The following NARF variants were observed in gnomAD, a reference collection of about 807,000 sequenced individuals.
NARF encodes iron-only hydrogenase-like protein 2.
A neutral mutation model predicts 48.0 loss-of-function variants in NARF; 41 were observed. The ratio of observed to expected loss-of-function variants is 0.85; its 90% CI spans 0.66 to 1.11. The LOEUF (loss-of-function observed/expected upper bound fraction) is 1.11. NARF is among the 50% of genes least tolerant of loss of function. NARF has a pLI of 0.00. For synonymous variants in NARF, 215 were observed against 225.5 expected, an observed-to-expected ratio of 0.95 and a Z score of 0.42; for missense variants, 613 against 590.2, an observed-to-expected ratio of 1.04 and a Z score of -0.40.
At chr17:82,487,399 G>A (rs910469927) in intron 10 of NARF, among the ~76,000 whole-genome samples, 4 of 151,734 alleles carry the variant, frequency 2.6e-5, no homozygotes, top group African/African-American at 9.7e-5. Flanking sequence ...TGGGAGAATC[G>A]CTTGAGCCCA....
rs2044146409 is a variant in NARF at position 82,488,392 on chromosome 17, T to C, written c.*235T>C. The C allele has an allele frequency of 3.7e-6, 2 of 542,574 alleles. No individual in the cohort carries two copies. Among genetic ancestry groups the C allele is most frequent in the Non-Finnish European group, 6.0e-6 (2 of 331,882 alleles). The allele number at this position is 542,574 out of a possible 1,614,324, so 33.6% of individuals were successfully genotyped here. ...GAACTTTTTTTTTCTTTTTTTTTTTTTGAGACGGAGTCTCACTCTGTCACC... is the reference window on the plus strand; with the variant it reads ...GAACTTTTTTTTTCTTTTTTTTTTTCTGAGACGGAGTCTCACTCTGTCACC... On this transcript the variant is annotated 3_prime_UTR_variant, in exon 11 of 11. Coordinates refer to ENST00000309794, the MANE Select transcript of NARF (RefSeq NM_012336.4).
intron 5 of NARF, chr17:82,477,799 C>G (rs1567940317): frequency 6.6e-6 from 1 of 152,296 alleles, no homozygotes; most frequent in Non-Finnish European, 1.5e-5. Context: ...CAGGCGTGAG[C>G]TACTGCGCCC....
intron 2 of NARF, 42 bp downstream of exon 2, chr17:82,460,114 A>G (rs754026392): frequency 1.3e-6 from 2 of 1,538,868 alleles, no homozygotes; most frequent in Admixed American, 1.7e-5. Context: ...AGAGTAAACT[A>G]CTGCTGCTGT....
upstream of NARF, chr17:82,458,498 C>T (rs951398973): frequency 1.4e-5 from 5 of 359,948 alleles, no homozygotes; most frequent in Middle Eastern, 1.4e-3. Context: ...GGACCCGGTC[C>T]CCCCGGCGCC....
intron 5 of NARF, among the ~76,000 whole-genome samples, chr17:82,478,230 A>G (rs1018341840): frequency 3.3e-5 from 5 of 152,254 alleles, no homozygotes; most frequent in Non-Finnish European, 7.3e-5. Flanking sequence ...AAACCACAGC[A>G]GCACTCAACC....
chr17:82,485,457 A>G, intron 9 of NARF, 40 bp from the exon 10 acceptor site: 1 of 1,602,266 alleles, frequency 6.2e-7, no homozygotes, highest in Non-Finnish European at 8.5e-7. Flanking sequence ...TCACAGATAA[A>G]GGACTTGATG....
chr17:82,474,030 CAAAAA>C (rs922181708), intron 5 of NARF, among the ~76,000 whole-genome samples: 4 of 150,242 alleles, frequency 2.7e-5, no homozygotes, highest in Admixed American at 6.6e-5. Context: ...CAAAAAAAAA[CAAAAA>C]AAAGCCAGGG....
At position 82,468,887 on chromosome 17, in the gene NARF, A is replaced by G. The variant is rs771169324; in HGVS notation, c.376A>G (p.Lys126Glu). ...ATCCAGAAGACTCTGTGGTTTCCTC[A>G]AAAGTCTTGGTGAGTCATCTTTTGA... is the stretch of plus-strand genomic sequence containing the variant. ...DASRRLCGFL[K>E]SLGVHYVFDT... The change falls in exon 4 of 11, where the codon AAA becomes GAA. Residue 126 changes from lysine to glutamate, a missense_variant. Coordinates refer to ENST00000309794, the MANE Select transcript of NARF (RefSeq NM_012336.4). 2 of 1,613,470 alleles carry G rather than the reference A, an allele frequency of 1.2e-6. No homozygotes were observed. Among genetic ancestry groups the G allele is most frequent in the South Asian group, 1.1e-5 (1 of 90,790 alleles).
chr17:82,480,874 G>C, intron 6 of NARF: 1 of 606,828 alleles, frequency 1.6e-6, no homozygotes, highest in Non-Finnish European at 2.8e-6. Flanking sequence ...AGAGTTTGCA[G>C]TGAGCTGAGA....
upstream of NARF, chr17:82,458,424 C>T (rs1239495343): frequency 2.4e-5 from 5 of 212,220 alleles, no homozygotes; most frequent in South Asian, 1.1e-4. Flanking sequence ...CACCGACTCC[C>T]TGGTGAACGC....
chr17:82,470,339 T>C (rs2043669825), intron 4 of NARF, among the ~76,000 whole-genome samples: 1 of 152,170 alleles, frequency 6.6e-6, no homozygotes, highest in African/African-American at 2.4e-5. Flanking sequence ...TTAGTTACAC[T>C]GAAGATCAGA....
At chr17:82,461,469 G>C (rs2043436995) in intron 2 of NARF, among the ~76,000 whole-genome samples, 1 of 152,096 alleles carries the variant, frequency 6.6e-6, no homozygotes, top group African/African-American at 2.4e-5. Flanking sequence ...AAATTAGCTG[G>C]GCGTGGTGGT....
At chr17:82,463,740 T>A (rs2043491717) in intron 2 of NARF, 1 of 153,532 alleles carries the variant, frequency 6.5e-6, no homozygotes, top group African/African-American at 2.4e-5. Flanking sequence ...GTGGAGGGGA[T>A]CAAAGAGTGA....
At chr17:82,463,088 G>A (rs1180961683) in intron 2 of NARF, 1 of 152,168 alleles carries the variant, frequency 6.6e-6, no homozygotes, top group Non-Finnish European at 1.5e-5. Flanking sequence ...GTGTAGGCAG[G>A]AGGCAGAGGT....
rs757936540 is a variant in NARF at position 82,464,272 on chromosome 17, C to T, written c.109-15C>T. 5.0e-6 allele frequency: 8 copies of T among 1,610,096 alleles called. No individual in the cohort carries two copies. Among genetic ancestry groups the T allele is most frequent in the East Asian group, 2.2e-5 (1 of 44,842 alleles). On this transcript the variant is annotated splice_polypyrimidine_tract_variant and intron_variant, in intron 2 of 10. Transcript: ENST00000309794. Reference sequence around the variant, plus strand: ...TATTTGTTGAATAATCATGCTGAAACGTCATCTTTCATAGAAGGGAGAATT... The same window carrying T: ...TATTTGTTGAATAATCATGCTGAAATGTCATCTTTCATAGAAGGGAGAATT...
upstream of NARF, chr17:82,458,540 G>A (rs2043341585): frequency 2.4e-6 from 1 of 411,370 alleles, no homozygotes; most frequent in East Asian, 3.7e-5. Context: ...TCCGCCCCGC[G>A]CGCTCCGATT....
At chr17:82,471,625 T>C (rs1351973511) in intron 4 of NARF, among the ~76,000 whole-genome samples, 1 of 145,012 alleles carries the variant, frequency 6.9e-6, no homozygotes, top group Non-Finnish European at 1.5e-5. Flanking sequence ...ACCCCATCTC[T>C]ACTAAAAATA....
intron 5 of NARF, among the ~76,000 whole-genome samples, chr17:82,477,471 T>A (rs1209294199): frequency 2.0e-5 from 3 of 151,524 alleles, no homozygotes; most frequent in Non-Finnish European, 2.9e-5. Context: ...GTGACTGCAC[T>A]CCAGCCTGGG....
rs1232870396 is a variant in NARF, at chr17:82,481,195, C to G, written c.753C>G (p.Asp251Glu). 6 of 1,613,910 alleles carry G rather than the reference C, an allele frequency of 3.7e-6. No homozygotes were observed. Among genetic ancestry groups the G allele is most frequent in the Non-Finnish European group, 4.2e-6 (5 of 1,180,018 alleles). The change falls in exon 7 of 11, where the codon GAC (aspartate) becomes GAG (glutamate). Residue 251 changes from aspartate (D) to glutamate (E), a missense_variant. Coordinates refer to ENST00000309794, the MANE Select transcript of NARF (RefSeq NM_012336.4). ...CTTTGCATGGCTCCCGGGGCGCTGA[C>G]TGCGTGTTAACATCAGGTGAGAGGT... is the stretch of plus-strand genomic sequence containing the variant. ...PPALHGSRGA[D>E]CVLTSGEIAQ...
Sources: allele counts gnomAD v4.1 joint callset (sites outside exome capture counted in the v4.1 genomes callset), GRCh38; gene constraint gnomAD v4.1.1; transcripts MANE v1.5; gene names NCBI Gene and HGNC (gene_info 2026-07-23, HGNC 2026-07-21).